MEGF11: variants seen among roughly 807,000 people sequenced by gnomAD.
MEGF11 encodes multiple EGF like domains 11, also known as multiple epidermal growth factor-like domains protein 11.
MEGF11 carries 126 observed loss-of-function variants against 146.6 expected under a neutral mutation model. The ratio of observed to expected loss-of-function variants is 0.86; its 90% CI spans 0.74 to 1.00. The LOEUF (loss-of-function observed/expected upper bound fraction) is 1.00, where lower values mean the gene tolerates loss of function less well. MEGF11 is among the 50% of genes least tolerant of loss of function. The pLI is 0.00. For synonymous variants in MEGF11, 532 were observed against 583.4 expected, an observed-to-expected ratio of 0.91 and a Z score of 1.27; for missense variants, 1,509 against 1,521.2, an observed-to-expected ratio of 0.99 and a Z score of 0.13.
chr15:65,932,796 C>T (rs2079625572), intron 10 of MEGF11, among the ~76,000 whole-genome samples: 1 of 152,006 alleles, frequency 6.6e-6, no homozygotes. Flanking sequence ...CCACCTCCAG[C>T]CCCTAGGGAG....
At chr15:65,961,908 G>A (rs773667025) in intron 9 of MEGF11, among the ~76,000 whole-genome samples, 5 of 152,164 alleles carry the variant, frequency 3.3e-5, no homozygotes, top group East Asian at 1.9e-4. Context: ...GAAGCTTCAC[G>A]TTCAAAGACC....
intron 5 of MEGF11, among the ~76,000 whole-genome samples, chr15:66,020,400 T>C (rs2083069462): frequency 6.6e-6 from 1 of 152,214 alleles, no homozygotes; most frequent in Admixed American, 6.5e-5. Context: ...GACAGATTGC[T>C]GACAACATCA....
At chr15:65,951,811 C>A (rs980863686) in intron 10 of MEGF11, among the ~76,000 whole-genome samples, 5 of 152,050 alleles carry the variant, frequency 3.3e-5, no homozygotes, top group African/African-American at 9.7e-5. Flanking sequence ...CCAGCCTGGG[C>A]AACATAGTGA....
chr15:65,971,487 T>C (rs2141615235), intron 7 of MEGF11, among the ~76,000 whole-genome samples: 1 of 152,276 alleles, frequency 6.6e-6, no homozygotes, highest in African/African-American at 2.4e-5. Flanking sequence ...TCAGAGAGGT[T>C]GGTGTCACAG....
In MEGF11 at chr15:65,981,567, C is replaced by T. The variant is rs181464836; in HGVS notation, c.642-669G>A. Among the ~76,000 whole-genome samples, 291 of 152,224 alleles carry T rather than the reference C, an allele frequency of 1.9e-3. 3 individuals are homozygous for T. The highest frequency in any genetic ancestry group is 8.3e-4 in the South Asian group (4 of 4,820). ...ACGTCTCTGTGGTCAGAGTCCTTGG[C>T]CACCCCTCAGGATCTAGGCTGTTGG... On this transcript the variant is annotated intron_variant, in intron 6 of 25. Transcript: ENST00000395614.
At chr15:65,910,699 C>G (rs1024359598) in intron 21 of MEGF11, among the ~76,000 whole-genome samples, 1 of 152,134 alleles carries the variant, frequency 6.6e-6, no homozygotes, top group African/African-American at 2.4e-5. Flanking sequence ...TGTATAGTAT[C>G]TATATTACTA....
intron 5 of MEGF11, among the ~76,000 whole-genome samples, chr15:66,025,376 A>C (rs1181384271): frequency 6.6e-6 from 1 of 151,998 alleles, no homozygotes; most frequent in Non-Finnish European, 1.5e-5. Flanking sequence ...TGGGCCCCTC[A>C]GTCAGCCTGA....
At chr15:66,142,863 C>T (rs1443188150) in intron 1 of MEGF11, among the ~76,000 whole-genome samples, 2 of 152,136 alleles carry the variant, frequency 1.3e-5, no homozygotes, top group Non-Finnish European at 1.5e-5. Context: ...GGCCTGAAGG[C>T]CTGAGTTTGA....
intron 4 of MEGF11, among the ~76,000 whole-genome samples, chr15:66,108,195 C>T (rs2087193503): frequency 1.3e-5 from 2 of 152,178 alleles, no homozygotes; most frequent in Non-Finnish European, 2.9e-5. Context: ...CAGAGAATCA[C>T]GAGTGTCATG....
At chr15:66,000,585 C>G (rs886556029) in intron 5 of MEGF11, among the ~76,000 whole-genome samples, 19 of 151,552 alleles carry the variant, frequency 1.3e-4, no homozygotes, top group Admixed American at 8.5e-4. Flanking sequence ...TGTTTTGTTC[C>G]CCACTGTATA....
intron 1 of MEGF11, among the ~76,000 whole-genome samples, chr15:66,230,467 A>T (rs1396670895): frequency 2.0e-5 from 3 of 152,244 alleles, no homozygotes. Flanking sequence ...ATGTGACTAG[A>T]GACAGTAATA....
At chr15:66,061,109 C>A (rs960126774) in intron 5 of MEGF11, among the ~76,000 whole-genome samples, 3 of 152,212 alleles carry the variant, frequency 2.0e-5, no homozygotes, top group Admixed American at 6.5e-5. Context: ...AGGATTAAAA[C>A]AATGTGACTC....
At chr15:65,916,120 C>T in intron 18 of MEGF11, 28 bp downstream of exon 18, 5 of 1,565,566 alleles carry the variant, frequency 3.2e-6, no homozygotes, top group Non-Finnish European at 4.3e-6. Context: ...AGCAGCATCA[C>T]CCAGGATCAG....
chr15:65,955,739 T>TAA (rs1189666912), intron 10 of MEGF11, among the ~76,000 whole-genome samples: 1,753 of 9,662 alleles, frequency 0.18, 404 homozygotes, highest in Non-Finnish European at 0.21. Flanking sequence ...GTGAGACTCT[T>TAA]AAAAAAAAAA....
At chr15:65,992,771 T>G (rs1179994708) in intron 5 of MEGF11, among the ~76,000 whole-genome samples, 1 of 152,104 alleles carries the variant, frequency 6.6e-6, no homozygotes, top group Non-Finnish European at 1.5e-5. Flanking sequence ...AGGTATGATC[T>G]TGTTCAATTT....
At chr15:65,942,382 T>C (rs2080026321) in intron 10 of MEGF11, among the ~76,000 whole-genome samples, 1 of 152,226 alleles carries the variant, frequency 6.6e-6, no homozygotes, top group South Asian at 2.1e-4. Context: ...GGCATTTGTA[T>C]CTTATGTTGT....
intron 5 of MEGF11, among the ~76,000 whole-genome samples, chr15:66,042,394 G>A (rs1188107933): frequency 6.6e-6 from 1 of 152,106 alleles, no homozygotes; most frequent in African/African-American, 2.4e-5. Context: ...ACAGGCATGA[G>A]CCACCACACC....
chr15:65,970,461 TGGCAGAGAGAG>T, intron 8 of MEGF11, 81 bp downstream of exon 8: 1 of 1,397,316 alleles, frequency 7.2e-7, no homozygotes. Context: ...ACTGGAAGGC[TGGCAGAGAGAG>T]GGCTATGAGC....
chr15:66,123,864 T>G, intron 3 of MEGF11, 35 bp downstream of exon 3: 1 of 1,566,374 alleles, frequency 6.4e-7, no homozygotes, highest in Non-Finnish European at 8.8e-7. Context: ...GCCCAGTGCC[T>G]TTTCCCTGCC....
Sources: allele counts gnomAD v4.1 joint callset (sites outside exome capture counted in the v4.1 genomes callset), GRCh38; gene constraint gnomAD v4.1.1; transcripts MANE v1.5; gene names NCBI Gene and HGNC (gene_info 2026-07-23, HGNC 2026-07-21).